The following R3HDM1 variants were observed in gnomAD, a reference collection of about 807,000 sequenced individuals.
R3HDM1 encodes the protein R3H domain containing 1.
A neutral mutation model predicts 141.1 loss-of-function variants in R3HDM1; 46 were observed. That is an observed-to-expected ratio of 0.33 (90% confidence interval 0.26 to 0.42). The LOEUF (loss-of-function observed/expected upper bound fraction) is 0.42. Ranked by LOEUF, R3HDM1 falls within the 10% of genes least tolerant of loss-of-function variation. R3HDM1 has a pLI of 1.00. For synonymous variants in R3HDM1, 435 were observed against 472.9 expected (o/e 0.92, Z 1.04); for missense variants, 1,184 against 1,368.3 (o/e 0.87, Z 2.12).
At chr2:135,714,390 A>C (rs1382352387) in intron 23 of R3HDM1, among the ~76,000 whole-genome samples, 1 of 152,226 alleles carries the variant, frequency 6.6e-6, no homozygotes, top group Non-Finnish European at 1.5e-5. Flanking sequence ...ACAAATCTTC[A>C]GAAATGTCAA....
intron 21 of R3HDM1, among the ~76,000 whole-genome samples, chr2:135,694,517 C>G (rs1359741549): frequency 1.3e-5 from 2 of 152,094 alleles, no homozygotes; most frequent in East Asian, 3.9e-4. Context: ...AACCAAAAAG[C>G]CAGAAATTAT....
In R3HDM1 at chr2:135,638,806, T is replaced by C. The variant is rs1229287407; in HGVS notation, c.992+17T>C. 6.2e-7 allele frequency: 1 copy of C among 1,613,960 alleles called. No homozygotes were observed. Among genetic ancestry groups the C allele is most frequent in the Admixed American group, 1.7e-5 (1 of 60,014 alleles). ...GATATTTAGGTATTGGAAGCATGTTTTCAATACAGTATTGAAAAATTAAAG... is the reference window on the plus strand; with the variant it reads ...GATATTTAGGTATTGGAAGCATGTTCTCAATACAGTATTGAAAAATTAAAG... On this transcript the variant is annotated intron_variant, in intron 13 of 26. Coordinates refer to ENST00000683871, the MANE Select transcript of R3HDM1 (RefSeq NM_001378107.1).
At chr2:135,574,650 A>G (rs1406778581) in intron 1 of R3HDM1, among the ~76,000 whole-genome samples, 1 of 152,178 alleles carries the variant, frequency 6.6e-6, no homozygotes, top group East Asian at 1.9e-4. Flanking sequence ...TATTTCAGGG[A>G]TGCAGGGCTG....
At chr2:135,711,376 C>T (rs1019899034) in intron 23 of R3HDM1, among the ~76,000 whole-genome samples, 3 of 152,092 alleles carry the variant, frequency 2.0e-5, no homozygotes, top group African/African-American at 7.2e-5. Flanking sequence ...GATCAAAAGA[C>T]ATTTTTTAAG....
intron 1 of R3HDM1, among the ~76,000 whole-genome samples, chr2:135,566,427 A>T (rs1331711931): frequency 6.6e-6 from 1 of 152,250 alleles, no homozygotes; most frequent in Non-Finnish European, 1.5e-5. Context: ...CAGAGATCTC[A>T]CAAGGCATCG....
chr2:135,708,637 A>G (rs2105434006), intron 21 of R3HDM1, among the ~76,000 whole-genome samples: 1 of 152,328 alleles, frequency 6.6e-6, no homozygotes, highest in East Asian at 1.9e-4. Flanking sequence ...AGATAATGTT[A>G]TGACAAACCC....
intron 9 of R3HDM1, 51 bp downstream of exon 9, chr2:135,632,052 TTATC>T (rs1351885946): frequency 1.5e-6 from 2 of 1,356,532 alleles, no homozygotes; most frequent in South Asian, 3.3e-5. Context: ...TAATAATACT[TTATC>T]TTTCTATATT....
intron 9 of R3HDM1, among the ~76,000 whole-genome samples, chr2:135,632,328 TA>T (rs11335011): frequency 0.29 from 39,295 of 135,732 alleles, 6,027 homozygotes; most frequent in East Asian, 0.51. Context: ...TAGTCAAATT[TA>T]AAAAAAAAAA....
At chr2:135,603,504 A>G (rs1410596023) in intron 2 of R3HDM1, among the ~76,000 whole-genome samples, 1 of 152,232 alleles carries the variant, frequency 6.6e-6, no homozygotes, top group Non-Finnish European at 1.5e-5. Flanking sequence ...CATACTTGCT[A>G]TAACCTATAT....
chr2:135,604,699 C>T, intron 2 of R3HDM1, 107 bp from the exon 3 acceptor site: 1 of 828,556 alleles, frequency 1.2e-6, no homozygotes, highest in Non-Finnish European at 1.9e-6. Flanking sequence ...AATTTTGTTC[C>T]TGTCTATATT....
intron 1 of R3HDM1, among the ~76,000 whole-genome samples, chr2:135,546,528 G>A (rs1474315373): frequency 5.9e-5 from 9 of 152,070 alleles, no homozygotes; most frequent in Admixed American, 5.9e-4. Context: ...TATTCCCCTT[G>A]GCTGTTTGGC....
intron 19 of R3HDM1, among the ~76,000 whole-genome samples, chr2:135,665,195 C>T (rs575673377): frequency 2.0e-5 from 3 of 152,244 alleles, no homozygotes; most frequent in Non-Finnish European, 4.4e-5. Flanking sequence ...AAAATGTATG[C>T]TTTGAATACT....
At chr2:135,673,469 G>T (rs771970746) in intron 19 of R3HDM1, among the ~76,000 whole-genome samples, 59 of 152,132 alleles carry the variant, frequency 3.9e-4, no homozygotes, top group Non-Finnish European at 7.1e-4. Context: ...GGAATTTGGG[G>T]TATAAATTTG....
chr2:135,587,561 T>C (rs1053195723), intron 1 of R3HDM1, among the ~76,000 whole-genome samples: 1 of 152,166 alleles, frequency 6.6e-6, no homozygotes, highest in Non-Finnish European at 1.5e-5. Context: ...TTATTAAAAT[T>C]AGGGTCTTCT....
At chr2:135,638,204 G>A (rs2063448637) in intron 11 of R3HDM1, among the ~76,000 whole-genome samples, 3 of 152,200 alleles carry the variant, frequency 2.0e-5, no homozygotes, top group African/African-American at 7.2e-5. Context: ...GATTAACAGT[G>A]CTGAAGGACT....
intron 1 of R3HDM1, among the ~76,000 whole-genome samples, chr2:135,571,709 C>T (rs1335436958): frequency 6.6e-6 from 1 of 152,170 alleles, no homozygotes; most frequent in Non-Finnish European, 1.5e-5. Flanking sequence ...TCACTGCAGC[C>T]TCTACCCCTG....
At chr2:135,549,579 A>C (rs1192352437) in intron 1 of R3HDM1, among the ~76,000 whole-genome samples, 10 of 145,626 alleles carry the variant, frequency 6.9e-5, no homozygotes, top group East Asian at 4.3e-4. Context: ...AAAAAAAAAA[A>C]AACAAAAACA....
intron 21 of R3HDM1, among the ~76,000 whole-genome samples, chr2:135,689,970 A>G (rs562979468): frequency 1.3e-4 from 20 of 152,182 alleles, no homozygotes; most frequent in African/African-American, 4.6e-4. Flanking sequence ...TTTGTCTTTG[A>G]TCTATATTCT....
chr2:135,589,647 C>G (rs953572585), intron 1 of R3HDM1, among the ~76,000 whole-genome samples: 1 of 152,112 alleles, frequency 6.6e-6, no homozygotes, highest in Non-Finnish European at 1.5e-5. Context: ...TAACACTGCT[C>G]TACTCATCCC....
Sources: gnomAD v4.1 joint callset for allele counts (sites outside exome capture counted in the v4.1 genomes callset) on GRCh38, gnomAD v4.1.1 for gene constraint, MANE v1.5 for transcripts, NCBI Gene and HGNC (gene_info 2026-07-23, HGNC 2026-07-21) for gene names.